The following RFWD3 variants were observed in gnomAD, a reference collection of about 807,000 sequenced individuals.
The protein encoded by RFWD3 is ring finger and WD repeat domain 3.
RFWD3 carries 65 observed loss-of-function variants against 87.7 expected under a neutral mutation model. The observed-to-expected ratio is 0.74, with a 90% CI of 0.61 to 0.91. RFWD3 has a LOEUF of 0.91. Among genes scored for constraint, RFWD3 ranks in the 40% least tolerant of loss-of-function variants. The pLI is 0.00. For synonymous variants in RFWD3, 433 were observed against 352.8 expected (o/e 1.23, Z -2.55); for missense variants, 1,078 against 938.5 (o/e 1.15, Z -1.94).
chr16:74,636,569 T>C lies in RFWD3; in HGVS notation c.1203A>G (p.Gln401=). 6.2e-7 allele frequency: 1 copy of C among 1,611,310 alleles called. No individual in the cohort carries two copies. The highest frequency in any genetic ancestry group is 8.5e-7 in the Non-Finnish European group (1 of 1,178,238). ...TRLQRRVQDL[Q]KLTSHQSQNL... The stretch of plus-strand genomic sequence containing the variant: ...TCTGACTTTGATGTGACGTAAGTTT[T>C]TGCAAGTCCTAAAATGAAAAAGATT... Residue 401 remains glutamine (Q), a synonymous_variant, in exon 8 of 13, where the codon CAA becomes CAG. Coordinates refer to ENST00000361070, the MANE Select transcript of RFWD3 (RefSeq NM_018124.4).
chr16:74,646,294 T>C (rs1423218067), intron 4 of RFWD3, among the ~76,000 whole-genome samples: 1 of 152,160 alleles, frequency 6.6e-6, no homozygotes, highest in Non-Finnish European at 1.5e-5. Flanking sequence ...AAGCATCACC[T>C]GAGCCCGGGA....
rs1461443223 is a variant in RFWD3 at position 74,622,637 on chromosome 16, TAAC to T, written c.*1288_*1290del. 3 of 152,186 alleles carry T rather than the reference TAAC, an allele frequency of 2.0e-5. No homozygotes were observed. The highest frequency in any genetic ancestry group is 4.8e-5 in the African/African-American group (2 of 41,450). The allele number at this position is 152,186 out of a possible 1,614,324, so 9.4% of individuals were successfully genotyped here. A position where few individuals can be genotyped will look rare whatever the true frequency, so the allele number is the denominator to read the frequency against. ...CAGAAGTGTTTTATAATAAAAACGA[TAAC>T]AACTCTTCAATAATCATTTGAGAAA... On this transcript the variant is annotated 3_prime_UTR_variant, in exon 13 of 13. Coordinates refer to ENST00000361070, the MANE Select transcript of RFWD3 (RefSeq NM_018124.4).
chr16:74,643,735 G>A (rs1001280535), intron 6 of RFWD3, among the ~76,000 whole-genome samples: 1 of 148,166 alleles, frequency 6.7e-6, no homozygotes, highest in African/African-American at 2.5e-5. Flanking sequence ...GAGTGCAGTG[G>A]TGCAATTTCG....
intron 6 of RFWD3, among the ~76,000 whole-genome samples, chr16:74,639,809 G>C (rs1597428876): frequency 6.6e-6 from 1 of 152,144 alleles, no homozygotes; most frequent in East Asian, 1.9e-4. Flanking sequence ...TTAACAAAAA[G>C]ACTGTGGAAC....
At chr16:74,627,856 A>G (rs975314929) in intron 11 of RFWD3, among the ~76,000 whole-genome samples, 6 of 152,206 alleles carry the variant, frequency 3.9e-5, no homozygotes, top group Non-Finnish European at 7.4e-5. Flanking sequence ...AGAGACCTCA[A>G]GACCAAATTA....
chr16:74,635,400 G>A (rs919127988), intron 8 of RFWD3, among the ~76,000 whole-genome samples: 2 of 152,056 alleles, frequency 1.3e-5, no homozygotes, highest in South Asian at 2.1e-4. Flanking sequence ...CCAGGAGGCA[G>A]AGGTTGCAGT....
intron 2 of RFWD3, among the ~76,000 whole-genome samples, chr16:74,656,740 G>T (rs1961018150): frequency 6.6e-6 from 1 of 152,182 alleles, no homozygotes; most frequent in African/African-American, 2.4e-5. Context: ...TTATAGGCAT[G>T]AGCCACTGTG....
intron 2 of RFWD3, among the ~76,000 whole-genome samples, chr16:74,654,096 T>C (rs79274416): frequency 0.02 from 2,989 of 152,256 alleles, 40 homozygotes; most frequent in Non-Finnish European, 0.03. Context: ...CCAAAACATT[T>C]TTGTCACACC....
In RFWD3 at chr16:74,640,439, C is replaced by T. The variant is rs1253510269; in HGVS notation, c.1080-2469G>A. On this transcript the variant is annotated intron_variant, in intron 6 of 12. Transcript: ENST00000361070. ...GATTACAGGCGTGAGCCAATGCGCC[C>T]GCCCGGAAACTTAATTAAGGATAGA... 5.9e-5 allele frequency among the ~76,000 whole-genome samples: 9 copies of T among 151,922 alleles called. 1 individual carries two copies. The highest frequency in any genetic ancestry group is 6.8e-3 in the Middle Eastern group (2 of 294).
chr16:74,632,821 C>A (rs567900848), intron 8 of RFWD3, 148 bp from the exon 9 acceptor site: 2 of 660,898 alleles, frequency 3.0e-6, no homozygotes, highest in Admixed American at 2.9e-5. Context: ...TCTAGTGTTA[C>A]AATTTATTCA....
chr16:74,644,078 CG>C, intron 6 of RFWD3: 12 of 475,216 alleles, frequency 2.5e-5, no homozygotes, highest in East Asian at 7.6e-5. Flanking sequence ...ACTGCTGTGG[CG>C]GGGGGTGGTC....
rs1181505156 is a variant in RFWD3, at chr16:74,651,946, T to A, written c.695A>T (p.Glu232Val). The change falls in exon 3 of 13, where the codon GAG becomes GTG. Residue 232 changes from glutamate to valine, a missense_variant. Coordinates refer to ENST00000361070, the MANE Select transcript of RFWD3 (RefSeq NM_018124.4). ...AEYGGVVDQA[E>V]ESGAVILEEQ... is the part of the protein sequence containing the mutation. ...TTCTAAAATGACAGCTCCAGATTCC[T>A]CTGCCTGGTCAACAACCCCTCCATA... 6.2e-7 allele frequency: 1 copy of A among 1,613,982 alleles called. No homozygotes were observed. Among genetic ancestry groups the A allele is most frequent in the Admixed American group, 1.7e-5 (1 of 60,002 alleles).
Position 74,644,407 on chromosome 16 carries a change from CG to C in RFWD3, c.1033del (p.Arg345GlufsTer3). ...RHSDIVVLYA[R>X]TLRALDTSEQ... ...ACTAGTGTCCAAAGCTCTCAGGGTT[CG>C]GGCATAAAGGACGACAATGTCACTG... On this transcript the variant is annotated frameshift_variant, in exon 6 of 13. Coordinates refer to ENST00000361070, the MANE Select transcript of RFWD3 (RefSeq NM_018124.4). LOFTEE classifies it high-confidence loss of function. 1 of 1,614,062 alleles carries C rather than the reference CG, an allele frequency of 6.2e-7. No individual in the cohort carries two copies. Among genetic ancestry groups the C allele is most frequent in the Non-Finnish European group, 8.5e-7 (1 of 1,180,040 alleles).
At chr16:74,637,141 A>C (rs532632263) in intron 7 of RFWD3, among the ~76,000 whole-genome samples, 2 of 150,552 alleles carry the variant, frequency 1.3e-5, no homozygotes, top group South Asian at 2.1e-4. Context: ...AAAAAAAAAA[A>C]AAAACAACTT....
intron 12 of RFWD3, among the ~76,000 whole-genome samples, chr16:74,625,957 C>T (rs944035173): frequency 2.0e-5 from 3 of 152,054 alleles, no homozygotes; most frequent in African/African-American, 7.2e-5. Context: ...AGGCCAAGGC[C>T]GGCAGATCAC....
At chr16:74,632,772 G>A (rs955079468) in intron 8 of RFWD3, 99 bp from the exon 9 acceptor site, 15 of 1,093,336 alleles carry the variant, frequency 1.4e-5, no homozygotes, top group South Asian at 3.0e-5. Flanking sequence ...CTTTCTTGGC[G>A]TATAAGTCCT....
chr16:74,657,930 C>T (rs140480568), intron 2 of RFWD3, among the ~76,000 whole-genome samples: 5 of 152,076 alleles, frequency 3.3e-5, no homozygotes, highest in East Asian at 3.9e-4. Flanking sequence ...GGTGTTGACA[C>T]GTATATCAAT....
rs144876115 is a variant in RFWD3, at chr16:74,622,554, G to C, written c.*1374C>G. On this transcript the variant is annotated 3_prime_UTR_variant, in exon 13 of 13. Transcript: ENST00000361070. ...GAACTTGGAACTCTGGGGAAATCTA[G>C]TGCAACAACCCCTTGCCGGAGAGAA... 70 of 152,334 alleles carry C rather than the reference G, an allele frequency of 4.6e-4. No homozygotes were observed. Among genetic ancestry groups the C allele is most frequent in the Middle Eastern group, 3.4e-3 (1 of 294 alleles). 9.4% of individuals were successfully genotyped at this position (152,334 alleles called of 1,614,324 possible).
intron 11 of RFWD3, among the ~76,000 whole-genome samples, chr16:74,627,215 A>T (rs934252357): frequency 6.6e-6 from 1 of 152,232 alleles, no homozygotes; most frequent in African/African-American, 2.4e-5. Context: ...TGAGCATTTA[A>T]TGACTAACTC....
Sources: gnomAD v4.1 joint callset for allele counts (sites outside exome capture counted in the v4.1 genomes callset) on GRCh38, gnomAD v4.1.1 for gene constraint, MANE v1.5 for transcripts, NCBI Gene and HGNC (gene_info 2026-07-23, HGNC 2026-07-21) for gene names.